Variants in SMOX observed in about 807,000 individuals in gnomAD.
SMOX encodes the protein flavin containing amine oxidase.
SMOX carries 22 observed loss-of-function variants against 51.0 expected under a neutral mutation model. That is an observed-to-expected ratio of 0.43 (90% confidence interval 0.31 to 0.62). The LOEUF is 0.62. Ranked by LOEUF, SMOX falls within the 20% of genes least tolerant of loss-of-function variation. The probability of loss-of-function intolerance (pLI) is 0.10; values close to 1 mark genes in which losing one functional copy is unlikely to be tolerated. For synonymous variants in SMOX, 282 were observed against 307.8 expected (o/e 0.92, Z 0.88); for missense variants, 566 against 777.7 (o/e 0.73, Z 3.24).
At chr20:4,165,049 GTTTTTTT>G (rs781522050) in intron 1 of SMOX, among the ~76,000 whole-genome samples, 5 of 87,328 alleles carry the variant, frequency 5.7e-5, no homozygotes, top group East Asian at 3.7e-4. Flanking sequence ...TAGCTAAGTT[GTTTTTTT>G]TTTTTTTTTT....
chr20:4,187,152 G>A lies in SMOX; in HGVS notation c.1531-118G>A, dbSNP rs1373726665. ...ATCCTGTGGAAGCAGCAGCACCTGC[G>A]TCTCAGAGCCTCTCTAATTTGTCAT... On this transcript the variant is annotated intron_variant, in intron 6 of 6. Transcript: ENST00000305958. The surrounding 1 kb of genome is among the most constrained non-coding windows in gnomAD (Gnocchi z 4.8). The A allele has an allele frequency of 1.0e-4, 131 of 1,309,084 alleles. No homozygotes were observed. In the East Asian group the frequency reaches 1.2e-3, roughly 12 times the overall value. 81.1% of individuals were successfully genotyped at this position (1,309,084 alleles called of 1,614,324 possible).
chr20:4,168,441 C>A (rs894087934), intron 1 of SMOX, among the ~76,000 whole-genome samples: 2 of 152,096 alleles, frequency 1.3e-5, no homozygotes, highest in Non-Finnish European at 2.9e-5. Flanking sequence ...CTCTGGGAAG[C>A]GGATTAGGAA....
At chr20:4,176,953 G>A (rs1741318) in intron 2 of SMOX, among the ~76,000 whole-genome samples, 50,486 of 152,036 alleles carry the variant, frequency 0.33, 9,065 homozygotes, top group East Asian at 0.45. Flanking sequence ...GAGCCACTGG[G>A]GATGTTGAAG....
At chr20:4,151,829 G>A (rs1286748903) in intron 1 of SMOX, among the ~76,000 whole-genome samples, 2 of 152,128 alleles carry the variant, frequency 1.3e-5, no homozygotes, top group Non-Finnish European at 2.9e-5. Flanking sequence ...CTTAAGGGCC[G>A]GAACCTTGAC....
In SMOX at chr20:4,149,630, G is replaced by T. The variant is rs1985629658; in HGVS notation, c.-27+653G>T. On this transcript the variant is annotated intron_variant, in intron 1 of 6. Transcript: ENST00000305958. This position sits in a 1 kb window ranked among gnomAD's most constrained non-coding sequence, Gnocchi z 6.0. ...GCAAAGGGTTCGGGTGTGTTGGAGG[G>T]CTCACTTTGTGGGAGGGGCTGAGGG... Among the ~76,000 whole-genome samples, 1 of 152,182 alleles carries T rather than the reference G, an allele frequency of 6.6e-6. No homozygotes were observed. The highest frequency in any genetic ancestry group is 1.5e-5 in the Non-Finnish European group (1 of 68,028).
rs756720639 is a variant in SMOX at position 4,177,523 on chromosome 20, C to T, written c.381C>T (p.His127=). The T allele has an allele frequency of 4.4e-5, 70 of 1,596,196 alleles. No homozygotes were observed. In the East Asian group the frequency reaches 4.7e-4, roughly 11 times the overall value. Residue 127 remains histidine, a synonymous_variant, in exon 3 of 7, where the codon CAC becomes CAT. Coordinates refer to ENST00000305958, the MANE Select transcript of SMOX (RefSeq NM_175839.3). This position sits in a 1 kb window ranked among gnomAD's most constrained non-coding sequence, Gnocchi z 4.3. The stretch of plus-strand genomic sequence containing the variant: ...GCGTGGCCTGCTACCTTACCAACCA[C>T]GGCCGCAGGATCCCCAAGGACGTGG... ...KNGVACYLTN[H]GRRIPKDVVE...
Position 4,177,848 on chromosome 20 carries a change from C to G in SMOX, c.435+271C>G, listed in dbSNP as rs888291216. 2.6e-5 allele frequency among the ~76,000 whole-genome samples: 4 copies of G among 152,032 alleles called. No individual in the cohort carries two copies. The highest frequency in any genetic ancestry group is 2.6e-4 in the Admixed American group (4 of 15,268). On this transcript the variant is annotated intron_variant, in intron 3 of 6. Transcript: ENST00000305958. This position sits in a 1 kb window ranked among gnomAD's most constrained non-coding sequence, Gnocchi z 4.3. ...TATTTTGGAATTTATGTATATAACT[C>G]TACACAAAAAATGAGAATTTTGTCT...
At chr20:4,157,125 C>T (rs1335733303) in intron 1 of SMOX, among the ~76,000 whole-genome samples, 1 of 152,220 alleles carries the variant, frequency 6.6e-6, no homozygotes, top group East Asian at 1.9e-4. Context: ...CCTTTCATCT[C>T]AGAGGTTAAC....
rs549753465 is a variant in SMOX at position 4,176,572 on chromosome 20, C to T, written c.209-779C>T. Among the ~76,000 whole-genome samples, 3 of 152,290 alleles carry T rather than the reference C, an allele frequency of 2.0e-5. No individual in the cohort carries two copies. The South Asian group carries it at 6.2e-4, about 32-fold the overall frequency. On this transcript the variant is annotated intron_variant, in intron 2 of 6. Transcript: ENST00000305958. Reference sequence around the variant, plus strand: ...TATTTTCCTTTCATTGTTTCGGCTTCCCTGGGAGCTAGGTAGGGATGGGGA... The same window carrying T: ...TATTTTCCTTTCATTGTTTCGGCTTTCCTGGGAGCTAGGTAGGGATGGGGA...
rs1299562250 is a variant in SMOX at position 4,149,008 on chromosome 20, C to T, written c.-27+31C>T. On this transcript the variant is annotated intron_variant, in intron 1 of 6. Transcript: ENST00000305958. This position sits in a 1 kb window ranked among gnomAD's most constrained non-coding sequence, Gnocchi z 6.0. The stretch of plus-strand genomic sequence containing the variant: ...GTGCGCCCGCTCTCCGGCCCCGGGC[C>T]CCGGCTCTCAGCCTCCCCCGGGCGC... The T allele has an allele frequency of 6.6e-6, 1 of 150,800 alleles. No homozygotes were observed. Among genetic ancestry groups the T allele is most frequent in the East Asian group, 2.0e-4 (1 of 5,058 alleles). The allele number at this position is 150,800 out of a possible 1,614,324, so 9.3% of individuals were successfully genotyped here.
rs765678932 is a variant in SMOX, at chr20:4,187,261, G to A, written c.1531-9G>A. 76 of 1,610,056 alleles carry A rather than the reference G, an allele frequency of 4.7e-5. 1 individual carries two copies. Among genetic ancestry groups the A allele is most frequent in the South Asian group, 2.3e-4 (21 of 90,536 alleles). On this transcript the variant is annotated splice_polypyrimidine_tract_variant and intron_variant, in intron 6 of 6. Transcript: ENST00000305958. The surrounding 1 kb of genome is among the most constrained non-coding windows in gnomAD (Gnocchi z 4.8). ...CCTCCACCCTGACCTCCCCATCCCC[G>A]CCCCGCAGCCCATGCAGGTGCTGTT... is the stretch of plus-strand genomic sequence containing the variant.
chr20:4,177,342 C>T lies in SMOX; in HGVS notation c.209-9C>T. 1 of 1,551,416 alleles carries T rather than the reference C, an allele frequency of 6.4e-7. No individual in the cohort carries two copies. Among genetic ancestry groups the T allele is most frequent in the Non-Finnish European group, 8.7e-7 (1 of 1,146,756 alleles). On this transcript the variant is annotated splice_polypyrimidine_tract_variant and intron_variant, in intron 2 of 6. Transcript: ENST00000305958. This position sits in a 1 kb window ranked among gnomAD's most constrained non-coding sequence, Gnocchi z 4.3. ...TAAGCCTCTAAGGGCCTGCTGTTGT[C>T]ACCCTCAGGACACGCCACCTTTGAG...
At chr20:4,169,757 C>A (rs903136122) in intron 1 of SMOX, among the ~76,000 whole-genome samples, 1 of 152,138 alleles carries the variant, frequency 6.6e-6, no homozygotes, top group Non-Finnish European at 1.5e-5. Flanking sequence ...ACGGAGCAGG[C>A]CTTGCTGGTG....
chr20:4,159,313 T>C (rs192419343), intron 1 of SMOX, among the ~76,000 whole-genome samples: 1 of 152,302 alleles, frequency 6.6e-6, no homozygotes, highest in African/African-American at 2.4e-5. Context: ...GGTTTCACTA[T>C]GTTGGCCAGG....
At chr20:4,185,172 A>G (rs1260111776) in intron 6 of SMOX, among the ~76,000 whole-genome samples, 2 of 152,246 alleles carry the variant, frequency 1.3e-5, no homozygotes, top group Non-Finnish European at 2.9e-5. Flanking sequence ...GTTAAAAATC[A>G]GGACTTTGTT....
chr20:4,150,568 C>T (rs538437439), intron 1 of SMOX, among the ~76,000 whole-genome samples: 1 of 152,350 alleles, frequency 6.6e-6, no homozygotes, highest in East Asian at 1.9e-4. Context: ...GGTCTATTTA[C>T]AAACCCTTCC....
At chr20:4,162,860 G>A (rs576144281) in intron 1 of SMOX, among the ~76,000 whole-genome samples, 8 of 152,328 alleles carry the variant, frequency 5.3e-5, no homozygotes, top group Non-Finnish European at 1.2e-4. Context: ...CAGTCCCAGC[G>A]CAGAGGTTGG....
chr20:4,158,002 G>A (rs1194994906), intron 1 of SMOX, among the ~76,000 whole-genome samples: 6 of 151,836 alleles, frequency 4.0e-5, no homozygotes, highest in African/African-American at 9.7e-5. Context: ...CCGGGTTCAC[G>A]CCATTCTCCT....
rs976528719 is a variant in SMOX, at chr20:4,182,515, C to G, written c.1036C>G (p.Arg346Gly). The change falls in exon 5 of 7, where the codon CGG becomes GGG. Residue 346 changes from arginine (R) to glycine (G), a missense_variant. Physicochemically the swap from Arg to Gly is moderately radical, Grantham distance 125. Transcript: ENST00000305958. This position sits in a 1 kb window ranked among gnomAD's most constrained non-coding sequence, Gnocchi z 8.4. ...VLKRQYTSFF[R>G]PGLPTEKVAA... is the part of the protein sequence containing the mutation. ...AAAGAGGCAGTACACCAGTTTCTTC[C>G]GGCCAGGCCTGCCCACAGAGAAGGT... 13 of 1,609,720 alleles carry G rather than the reference C, an allele frequency of 8.1e-6. No individual in the cohort carries two copies. The highest frequency in any genetic ancestry group is 1.1e-5 in the Non-Finnish European group (13 of 1,177,538).
Sources: gnomAD v4.1 joint callset for allele counts (sites outside exome capture counted in the v4.1 genomes callset) on GRCh38, gnomAD v4.1.1 for gene constraint, Gnocchi (gnomAD v3.1) non-coding constraint, MANE v1.5 for transcripts, NCBI Gene and HGNC (gene_info 2026-07-23, HGNC 2026-07-21) for gene names.